The following TTL variants were observed in gnomAD, a reference collection of about 807,000 sequenced individuals.
TTL encodes the protein tubulin--tyrosine ligase.
TTL carries 10 observed loss-of-function variants against 41.1 expected under a neutral mutation model. The observed-to-expected ratio is 0.24, with a 90% CI of 0.15 to 0.41. The LOEUF is 0.41. Ranked by LOEUF, TTL falls within the 10% of genes least tolerant of loss-of-function variation. TTL has a pLI of 1.00. For missense variants in TTL, 367 were observed against 460.4 expected (o/e 0.80, Z 1.86); for synonymous variants, 175 against 175.5 (o/e 1.00, Z 0.02).
rs1444153512 is a variant in TTL, at chr2:112,537,692, CAT to C, written c.*8900_*8901del. The C allele has an allele frequency of 6.6e-6, 1 of 152,138 alleles. No individual in the cohort carries two copies. Among genetic ancestry groups the C allele is most frequent in the Non-Finnish European group, 1.5e-5 (1 of 68,026 alleles). 9.4% of individuals were successfully genotyped at this position (152,138 alleles called of 1,614,324 possible). A position where few individuals can be genotyped will look rare whatever the true frequency, so the allele number is the denominator to read the frequency against. On this transcript the variant is annotated 3_prime_UTR_variant, in exon 7 of 7. Coordinates refer to ENST00000233336, the MANE Select transcript of TTL (RefSeq NM_153712.5). ...ATTAGGAAAATATGACAATTATAAA[CAT>C]ATGTACCTAGCAATACAGCCTAAAG...
chr2:112,526,269 C>T (rs1258007126), intron 6 of TTL, among the ~76,000 whole-genome samples: 2 of 152,126 alleles, frequency 1.3e-5, no homozygotes, highest in Non-Finnish European at 2.9e-5. Context: ...GTGTCTCTGC[C>T]AGGCTTTGGT....
intron 3 of TTL, among the ~76,000 whole-genome samples, chr2:112,498,930 AAAG>A (rs1681612452): frequency 6.6e-6 from 1 of 152,234 alleles, no homozygotes; most frequent in Middle Eastern, 3.4e-3. Context: ...ACATCTTGAA[AAAG>A]AAGAATATAA....
At chr2:112,528,348 T>C (rs1387825069) in intron 6 of TTL, among the ~76,000 whole-genome samples, 2 of 152,128 alleles carry the variant, frequency 1.3e-5, no homozygotes, top group African/African-American at 4.8e-5. Context: ...GCCTGTAATC[T>C]CAGCACTTTG....
Position 112,528,724 on chromosome 2 carries a change from A to G in TTL, c.1063A>G (p.Ile355Val). The change falls in exon 7 of 7, where the codon ATT becomes GTT. Residue 355 changes from isoleucine (I) to valine (V), a missense_variant. Transcript: ENST00000233336. The part of the protein sequence containing the change: ...ELCQGIVDIA[I>V]SSVFPPPDVE... ...GTGCCAAGGCATCGTGGACATAGCC[A>G]TTTCCAGTGTCTTCCCACCCCCAGA... The G allele has an allele frequency of 6.2e-7, 1 of 1,614,184 alleles. No homozygotes were observed. The highest frequency in any genetic ancestry group is 8.5e-7 in the Non-Finnish European group (1 of 1,180,028).
intron 4 of TTL, among the ~76,000 whole-genome samples, chr2:112,501,704 G>A (rs951468808): frequency 1.1e-4 from 16 of 151,592 alleles, no homozygotes; most frequent in Non-Finnish European, 2.9e-5. Flanking sequence ...CCCGTCTCTA[G>A]TAAAAATACA....
At chr2:112,520,561 C>T in intron 6 of TTL, 136 bp downstream of exon 6, 1 of 1,237,938 alleles carries the variant, frequency 8.1e-7, no homozygotes, top group South Asian at 1.5e-5. Context: ...TGGGAGGACT[C>T]TATCTGGCAG....
intron 2 of TTL, among the ~76,000 whole-genome samples, chr2:112,491,234 G>A (rs1681377655): frequency 6.6e-6 from 1 of 151,672 alleles, no homozygotes; most frequent in Admixed American, 6.6e-5. Flanking sequence ...CTTGTGATCC[G>A]CCTGCCTCAG....
At chr2:112,515,696 C>T (rs1444061191) in intron 5 of TTL, among the ~76,000 whole-genome samples, 1 of 152,120 alleles carries the variant, frequency 6.6e-6, no homozygotes, top group Non-Finnish European at 1.5e-5. Flanking sequence ...GCCTGTAATC[C>T]CAGCACTTTG....
chr2:112,501,399 A>G (rs1294280864), intron 4 of TTL, 58 bp downstream of exon 4: 1 of 1,448,590 alleles, frequency 6.9e-7, no homozygotes, highest in East Asian at 2.5e-5. Context: ...CTGCCATGGT[A>G]TGTGGTGGGA....
At chr2:112,521,312 G>A (rs1682220688) in intron 6 of TTL, 3 of 985,358 alleles carry the variant, frequency 3.0e-6, no homozygotes, top group Non-Finnish European at 2.4e-6. Context: ...TGTAGCATGA[G>A]CGTCATGGAG....
At position 112,532,481 on chromosome 2, in the gene TTL, T is replaced by C. The variant is rs1682530664; in HGVS notation, c.*3686T>C. On this transcript the variant is annotated 3_prime_UTR_variant, in exon 7 of 7. Coordinates refer to ENST00000233336, the MANE Select transcript of TTL (RefSeq NM_153712.5). ...TATCACTGGTCATTTAAATTCACCA[T>C]ATAATTAGCCGGGCATGGTGGCATG... 1 of 218,532 alleles carries C rather than the reference T, an allele frequency of 4.6e-6. No individual in the cohort carries two copies. The highest frequency in any genetic ancestry group is 5.8e-5 in the Admixed American group (1 of 17,224). 13.5% of individuals were successfully genotyped at this position (218,532 alleles called of 1,614,324 possible).
At chr2:112,519,592 A>G (rs1368543057) in intron 5 of TTL, among the ~76,000 whole-genome samples, 1 of 147,884 alleles carries the variant, frequency 6.8e-6, no homozygotes, top group East Asian at 2.0e-4. Flanking sequence ...CCCTTCACCA[A>G]AGGGCAGTCC....
At position 112,529,722 on chromosome 2, in the gene TTL, CT is replaced by C. The variant is rs1682460018; in HGVS notation, c.*930del. 1 of 221,530 alleles carries C rather than the reference CT, an allele frequency of 4.5e-6. No individual in the cohort carries two copies. Among genetic ancestry groups the C allele is most frequent in the South Asian group, 1.8e-4 (1 of 5,414 alleles). The allele number at this position is 221,530 out of a possible 1,614,324, so 13.7% of individuals were successfully genotyped here. On this transcript the variant is annotated 3_prime_UTR_variant, in exon 7 of 7. Coordinates refer to ENST00000233336, the MANE Select transcript of TTL (RefSeq NM_153712.5). ...GTGGCCCTGCCCCAGACAAAGGTTGCTTTCCCCCTTTTTGTTCTTTTTATGC... is the reference window on the plus strand; with the variant it reads ...GTGGCCCTGCCCCAGACAAAGGTTGCTTCCCCCTTTTTGTTCTTTTTATGC...
intron 1 of TTL, chr2:112,483,219 C>G (rs1187346327): frequency 1.3e-5 from 2 of 152,336 alleles, no homozygotes; most frequent in African/African-American, 4.8e-5. Flanking sequence ...GAATTACCTT[C>G]ATCCACATGG....
chr2:112,495,476 T>A (rs1681500549), intron 3 of TTL, among the ~76,000 whole-genome samples: 1 of 152,214 alleles, frequency 6.6e-6, no homozygotes, highest in South Asian at 2.1e-4. Flanking sequence ...TAACTCAGGC[T>A]GAAAATAGAG....
intron 2 of TTL, among the ~76,000 whole-genome samples, chr2:112,486,997 T>C (rs1681256649): frequency 6.6e-6 from 1 of 152,202 alleles, no homozygotes; most frequent in Non-Finnish European, 1.5e-5. Context: ...TTATTGCTAT[T>C]AGTATAGTTG....
rs1214597611 is a variant in TTL, at chr2:112,531,841, A to C, written c.*3046A>C. ...GAAACTCAAACATGCTTTCATTTACATAAATAGTTTATGAAGCTTTGACAA... is the reference window on the plus strand; with the variant it reads ...GAAACTCAAACATGCTTTCATTTACCTAAATAGTTTATGAAGCTTTGACAA... On this transcript the variant is annotated 3_prime_UTR_variant, in exon 7 of 7. Transcript: ENST00000233336. The C allele has an allele frequency of 1.3e-5, 3 of 223,018 alleles. No individual in the cohort carries two copies. Among genetic ancestry groups the C allele is most frequent in the Non-Finnish European group, 2.7e-5 (3 of 111,642 alleles). 13.8% of individuals were successfully genotyped at this position (223,018 alleles called of 1,614,324 possible). A position where few individuals can be genotyped will look rare whatever the true frequency, so the allele number is the denominator to read the frequency against.
intron 6 of TTL, among the ~76,000 whole-genome samples, chr2:112,521,038 G>A (rs947159822): frequency 4.6e-5 from 7 of 152,194 alleles, no homozygotes; most frequent in African/African-American, 1.7e-4. Flanking sequence ...ATCCTATGAT[G>A]TGGCGACCCA....
At chr2:112,484,437 G>A (rs2104444076) in intron 1 of TTL, among the ~76,000 whole-genome samples, 1 of 151,772 alleles carries the variant, frequency 6.6e-6, no homozygotes, top group South Asian at 2.1e-4. Flanking sequence ...CTAATTTTTT[G>A]TATTTTTGGT....
Sources: allele counts gnomAD v4.1 joint callset (sites outside exome capture counted in the v4.1 genomes callset), GRCh38; gene constraint gnomAD v4.1.1; transcripts MANE v1.5; gene names NCBI Gene and HGNC (gene_info 2026-07-23, HGNC 2026-07-21).